The following PCYT1B variants were observed in gnomAD, a reference collection of about 807,000 sequenced individuals.
PCYT1B encodes choline-phosphate cytidylyltransferase B.
PCYT1B carries 10 observed loss-of-function variants against 26.4 expected under a neutral mutation model. The observed-to-expected ratio is 0.38, with a 90% CI of 0.23 to 0.64. PCYT1B has a LOEUF of 0.64. PCYT1B is among the 30% of genes least tolerant of loss of function. The pLI is 0.56. For synonymous variants in PCYT1B, 131 were observed against 108.4 expected (o/e 1.21, Z -1.29); for missense variants, 161 against 292.7 (o/e 0.55, Z 3.28).
intron 1 of PCYT1B, among the ~76,000 whole-genome samples, chrX:24,669,953 G>A (rs1335995156): frequency 9.3e-6 from 1 of 107,718 alleles, no homozygotes; most frequent in African/African-American, 3.4e-5. Context: ...TGAGGCAGGA[G>A]GATCACTTGA....
At chrX:24,616,952 C>T (rs753008821) in intron 2 of PCYT1B, among the ~76,000 whole-genome samples, 62 of 112,047 alleles carry the variant, frequency 5.5e-4, no homozygotes, top group African/African-American at 2.0e-3. Context: ...AGACCAAATC[C>T]CAACTTTACC....
intron 1 of PCYT1B, among the ~76,000 whole-genome samples, chrX:24,662,787 G>A (rs765882723): frequency 8.9e-6 from 1 of 112,220 alleles, no homozygotes; most frequent in Non-Finnish European, 1.9e-5. Flanking sequence ...AATGGGAGTC[G>A]AGGTTATCCG....
At chrX:24,662,034 T>C (rs1417561215) in intron 1 of PCYT1B, among the ~76,000 whole-genome samples, 3 of 110,895 alleles carry the variant, frequency 2.7e-5, no homozygotes, top group Non-Finnish European at 5.7e-5. Flanking sequence ...CTGGGTGTGG[T>C]GGTGTGCGCC....
chrX:24,654,749 CAAAA>C (rs574317952), intron 1 of PCYT1B, among the ~76,000 whole-genome samples: 2 of 40,044 alleles, frequency 5.0e-5, no homozygotes, highest in East Asian at 1.1e-3. Context: ...GACCCTGTCT[CAAAA>C]AAAAAAAAAA....
chrX:24,672,318 A>C (rs982571245), intron 1 of PCYT1B, among the ~76,000 whole-genome samples: 5 of 111,787 alleles, frequency 4.5e-5, no homozygotes, highest in Non-Finnish European at 9.4e-5. Flanking sequence ...TAGTAAGCAA[A>C]TTTGTTCTTG....
Position 24,575,333 on chromosome X carries a change from CA to C in PCYT1B, c.709-16del. 1 of 1,055,222 alleles carries C rather than the reference CA, an allele frequency of 9.5e-7. No homozygotes were observed. The highest frequency in any genetic ancestry group is 1.2e-6 in the Non-Finnish European group (1 of 800,671). 87.0% of individuals were successfully genotyped at this position (1,055,222 alleles called of 1,213,427 possible). A position where few individuals can be genotyped will look rare whatever the true frequency, so the allele number is the denominator to read the frequency against. ...TACCTCTTCTCCTGGTGAAAGTTTACAGGAAAAAAAAAAACAGATTTATCCA... is the reference window on the plus strand; with the variant it reads ...TACCTCTTCTCCTGGTGAAAGTTTACGGAAAAAAAAAAACAGATTTATCCA... On this transcript the variant is annotated splice_polypyrimidine_tract_variant and intron_variant, in intron 6 of 7. Coordinates refer to ENST00000379144, the MANE Select transcript of PCYT1B (RefSeq NM_004845.5).
At chrX:24,645,813 T>C (rs1038657121) in intron 1 of PCYT1B, among the ~76,000 whole-genome samples, 2 of 111,744 alleles carry the variant, frequency 1.8e-5, no homozygotes, top group African/African-American at 3.3e-5. Context: ...AGGGCTCTAA[T>C]ATAACTTCCT....
intron 1 of PCYT1B, among the ~76,000 whole-genome samples, chrX:24,643,825 G>T (rs1380047924): frequency 8.9e-6 from 1 of 112,161 alleles, no homozygotes; most frequent in Non-Finnish European, 1.9e-5. Context: ...GAAGGAGCCT[G>T]CCCTCTGAAG....
At chrX:24,606,864 TCAAA>T (rs59381770) in intron 3 of PCYT1B, among the ~76,000 whole-genome samples, 53,008 of 108,019 alleles carry the variant, frequency 0.49, 10,275 homozygotes, top group East Asian at 0.69. Flanking sequence ...AGATTCCGTC[TCAAA>T]CAAACAAACA....
intron 1 of PCYT1B, among the ~76,000 whole-genome samples, chrX:24,641,019 C>T (rs1926449666): frequency 9.0e-6 from 1 of 111,531 alleles, no homozygotes; most frequent in South Asian, 3.8e-4. Context: ...CTGCAACCTC[C>T]GTCTCCCGGG....
At chrX:24,585,674 A>G (rs919816014) in intron 5 of PCYT1B, among the ~76,000 whole-genome samples, 6 of 111,544 alleles carry the variant, frequency 5.4e-5, no homozygotes, top group Non-Finnish European at 1.1e-4. Context: ...GCCAGGCCAG[A>G]GTGCTCCAGA....
chrX:24,584,965 T>C (rs1924321504), intron 5 of PCYT1B, among the ~76,000 whole-genome samples: 1 of 112,160 alleles, frequency 8.9e-6, no homozygotes, highest in Non-Finnish European at 1.9e-5. Flanking sequence ...TCTTTTGAAC[T>C]ATTAAGAACC....
intron 1 of PCYT1B, among the ~76,000 whole-genome samples, chrX:24,646,663 T>C (rs1926635668): frequency 9.0e-6 from 1 of 110,613 alleles, no homozygotes; most frequent in African/African-American, 3.3e-5. Flanking sequence ...AGAATACCAT[T>C]TTAAAATTGC....
rs756161601 is a variant in PCYT1B at position 24,602,908 on chromosome X, G to T, written c.334+4837C>A. On this transcript the variant is annotated intron_variant, in intron 3 of 7. Coordinates refer to ENST00000379144, the MANE Select transcript of PCYT1B (RefSeq NM_004845.5). ...AACCTCCACCTCCCAGGTTCAAGTG[G>T]CTCTAGTGCCTCAGCCTCCTGAGTA... Among the ~76,000 whole-genome samples, 7 of 110,892 alleles carry T rather than the reference G, an allele frequency of 6.3e-5. No individual in the cohort carries two copies. In the East Asian group the frequency reaches 1.1e-3, roughly 18 times the overall value.
chrX:24,613,129 C>A (rs73207233), intron 2 of PCYT1B, among the ~76,000 whole-genome samples: 2,145 of 111,737 alleles, frequency 0.019, 22 homozygotes, highest in Non-Finnish European at 0.032. Context: ...GAGTGCAAAT[C>A]AAACTCACCA....
In PCYT1B at chrX:24,581,538, C is replaced by T. The variant is rs61761924; in HGVS notation, c.566-2080G>A. On this transcript the variant is annotated intron_variant, in intron 5 of 7. Transcript: ENST00000379144. ...TAGTGTCACTTCCTCAAGCAAATATCTCAACCCTCAGACTAGGTCTTCTGG... is the reference window on the plus strand; with the variant it reads ...TAGTGTCACTTCCTCAAGCAAATATTTCAACCCTCAGACTAGGTCTTCTGG... 7.2e-3 allele frequency among the ~76,000 whole-genome samples: 810 copies of T among 112,295 alleles called. 5 individuals are homozygous for T. Among genetic ancestry groups the T allele is most frequent in the Admixed American group, 0.012 (125 of 10,611 alleles).
At chrX:24,632,797 A>T (rs1926139286) in intron 1 of PCYT1B, among the ~76,000 whole-genome samples, 1 of 111,705 alleles carries the variant, frequency 9.0e-6, no homozygotes, top group African/African-American at 3.2e-5. Context: ...GGGGCTAGGG[A>T]TGAAGAGAGG....
At chrX:24,587,195 G>A in intron 5 of PCYT1B, 46 bp downstream of exon 5, 1 of 894,235 alleles carries the variant, frequency 1.1e-6, no homozygotes, top group Non-Finnish European at 1.6e-6. Flanking sequence ...TATTGCACCT[G>A]ATTATTGTGA....
upstream of PCYT1B, among the ~76,000 whole-genome samples, chrX:24,650,955 C>T (rs112229263): frequency 6.9e-3 from 765 of 111,641 alleles, 5 homozygotes; most frequent in African/African-American, 0.022. Context: ...TGAAGAAATT[C>T]TAATGTTATG....
Sources: gnomAD v4.1 joint callset for allele counts (sites outside exome capture counted in the v4.1 genomes callset) on GRCh38, gnomAD v4.1.1 for gene constraint, MANE v1.5 for transcripts, NCBI Gene and HGNC (gene_info 2026-07-23, HGNC 2026-07-21) for gene names.